LRRC37A2: variants seen among roughly 807,000 people sequenced by gnomAD.
The protein encoded by LRRC37A2 is leucine-rich repeat-containing protein 37A2.
A neutral mutation model predicts 68.8 loss-of-function variants in LRRC37A2; 9 were observed. The ratio of observed to expected loss-of-function variants is 0.13; its 90% CI spans 0.08 to 0.23. The LOEUF is 0.23. Among genes scored for constraint, LRRC37A2 ranks in the 10% least tolerant of loss-of-function variants. The pLI is 1.00. For synonymous variants in LRRC37A2, 63 were observed against 367.6 expected, an observed-to-expected ratio of 0.17 and a Z score of 9.48; for missense variants, 168 against 950.4, an observed-to-expected ratio of 0.18 and a Z score of 10.82.
chr17:46,947,262 T>C, the LRRC37A2 span, among the ~76,000 whole-genome samples: 1 of 152,132 alleles, frequency 6.6e-6, no homozygotes, highest in Non-Finnish European at 1.5e-5. Flanking sequence ...CAGCCTCCTC[T>C]TTGGTGTATG....
intron 8 of LRRC37A2, among the ~76,000 whole-genome samples, chr17:46,545,359 G>C (rs541750393): frequency 7.2e-6 from 1 of 139,588 alleles, no homozygotes; most frequent in Non-Finnish European, 1.5e-5. Flanking sequence ...GCTGAATTTG[G>C]AGGATCCCTT....
chr17:46,873,762 C>T, the LRRC37A2 span, among the ~76,000 whole-genome samples: 49 of 150,760 alleles, frequency 3.3e-4, 1 homozygote, highest in South Asian at 9.8e-3. Context: ...AATCCCAGCA[C>T]TTTGAGAGGC....
At chr17:46,800,439 G>A in the LRRC37A2 span, among the ~76,000 whole-genome samples, 6 of 152,332 alleles carry the variant, frequency 3.9e-5, no homozygotes, top group East Asian at 1.2e-3. Context: ...CTGTGCTCCT[G>A]CAACACTCAG....
chr17:46,818,717 AC>A, the LRRC37A2 span: 1 of 1,001,794 alleles, frequency 1.0e-6, no homozygotes, highest in African/African-American at 1.6e-5. Context: ...TCAGAAGCGC[AC>A]CTCCACCCGC....
chr17:46,837,886 T>C, the LRRC37A2 span, among the ~76,000 whole-genome samples: 1 of 152,194 alleles, frequency 6.6e-6, no homozygotes, highest in African/African-American at 2.4e-5. Context: ...AGTGATTGTT[T>C]TCTGACAGTT....
At chr17:46,763,838 A>AC in the LRRC37A2 span, 1 of 144,312 alleles carries the variant, frequency 6.9e-6, no homozygotes, top group South Asian at 2.2e-4. Flanking sequence ...CACCAAAAAA[A>AC]AAAAAAAACA....
At chr17:46,912,069 C>T in the LRRC37A2 span, among the ~76,000 whole-genome samples, 52 of 152,062 alleles carry the variant, frequency 3.4e-4, no homozygotes, top group Admixed American at 1.6e-3. Flanking sequence ...CACGATTGAC[C>T]AGAAGACCAC....
chr17:46,863,785 C>T, the LRRC37A2 span, among the ~76,000 whole-genome samples: 1 of 152,156 alleles, frequency 6.6e-6, no homozygotes, highest in Non-Finnish European at 1.5e-5. Context: ...TCCCCTTTCT[C>T]CAGCCCTGGC....
chr17:46,929,635 T>C, the LRRC37A2 span: 42 of 914,154 alleles, frequency 4.6e-5, 1 homozygote, highest in African/African-American at 4.2e-4. Flanking sequence ...GACAGGGTGC[T>C]AATGGGCTGG....
At chr17:46,944,495 G>T in the LRRC37A2 span, among the ~76,000 whole-genome samples, 1 of 152,204 alleles carries the variant, frequency 6.6e-6, no homozygotes, top group African/African-American at 2.4e-5. Context: ...CTCAGCCTGG[G>T]CTGCTTCCTG....
At chr17:46,736,095 C>A in the LRRC37A2 span, among the ~76,000 whole-genome samples, 2 of 152,154 alleles carry the variant, frequency 1.3e-5, no homozygotes, top group Admixed American at 1.3e-4. Context: ...ACCCAACTTC[C>A]CTCATTTGCA....
the LRRC37A2 span, among the ~76,000 whole-genome samples, chr17:46,746,992 T>G: frequency 3.3e-5 from 5 of 152,214 alleles, no homozygotes; most frequent in Admixed American, 3.3e-4. Context: ...AACGAGGCTT[T>G]ATAGTCTTTG....
the LRRC37A2 span, among the ~76,000 whole-genome samples, chr17:46,762,137 G>A: frequency 6.6e-6 from 1 of 152,240 alleles, no homozygotes; most frequent in African/African-American, 2.4e-5. Context: ...ACGTGGTGAG[G>A]AGGGGATTAA....
At chr17:47,011,602 T>C in the LRRC37A2 span, among the ~76,000 whole-genome samples, 1 of 150,990 alleles carries the variant, frequency 6.6e-6, no homozygotes, top group Non-Finnish European at 1.5e-5. Context: ...GATGAGGTCT[T>C]GGTATGTTTC....
chr17:47,012,496 G>T, the LRRC37A2 span, among the ~76,000 whole-genome samples: 2 of 151,930 alleles, frequency 1.3e-5, no homozygotes, highest in East Asian at 3.9e-4. Flanking sequence ...TGCTGGTCTA[G>T]TATCCAGAAT....
the LRRC37A2 span, chr17:46,755,917 A>G: frequency 7.9e-7 from 1 of 1,264,810 alleles, no homozygotes; most frequent in Non-Finnish European, 1.1e-6. Flanking sequence ...TACTGGACTA[A>G]GTGGAACGTT....
At chr17:46,836,518 T>C in the LRRC37A2 span, among the ~76,000 whole-genome samples, 1 of 152,226 alleles carries the variant, frequency 6.6e-6, no homozygotes, top group Non-Finnish European at 1.5e-5. Flanking sequence ...TGTCACATTG[T>C]AAATGTCGAT....
chr17:46,894,899 G>A, the LRRC37A2 span, among the ~76,000 whole-genome samples: 24 of 152,364 alleles, frequency 1.6e-4, no homozygotes, highest in African/African-American at 3.6e-4. Context: ...GCCAATTCCC[G>A]GGCCATGCAA....
At chr17:46,809,191 T>C in the LRRC37A2 span, among the ~76,000 whole-genome samples, 2 of 152,020 alleles carry the variant, frequency 1.3e-5, no homozygotes, top group African/African-American at 2.4e-5. Context: ...CAGTACCAGA[T>C]AGGAAGAGGG....
Sources: allele counts gnomAD v4.1 joint callset (sites outside exome capture counted in the v4.1 genomes callset), GRCh38; gene constraint gnomAD v4.1.1; transcripts MANE v1.5; gene names NCBI Gene and HGNC (gene_info 2026-07-23, HGNC 2026-07-21).